The following ROBO2 variants were observed in gnomAD, a reference collection of about 807,000 sequenced individuals.
The protein encoded by ROBO2 is roundabout homolog 2.
A neutral mutation model predicts 160.8 loss-of-function variants in ROBO2; 53 were observed. That is an observed-to-expected ratio of 0.33 (90% CI 0.26 to 0.41). The LOEUF is 0.41. Ranked by LOEUF, ROBO2 falls within the 10% of genes least tolerant of loss-of-function variation. ROBO2 has a pLI of 1.00. For synonymous variants in ROBO2, 664 were observed against 611.7 expected (o/e 1.09, Z -1.26); for missense variants, 1,577 against 1,722.4 (o/e 0.92, Z 1.49).
chr3:77,017,165 C>T (rs1042201339), intron 2 of ROBO2, among the ~76,000 whole-genome samples: 4 of 152,076 alleles, frequency 2.6e-5, no homozygotes, highest in African/African-American at 7.2e-5. Flanking sequence ...AAAATAACAA[C>T]AAAAGTCTAC....
At chr3:77,042,999 C>A (rs775786139) in intron 1 of ROBO2, among the ~76,000 whole-genome samples, 14 of 152,212 alleles carry the variant, frequency 9.2e-5, no homozygotes, top group Non-Finnish European at 1.6e-4. Context: ...AAACCCTGGA[C>A]ACTCTTACTA....
chr3:77,433,725 T>C (rs1177784632), intron 2 of ROBO2, among the ~76,000 whole-genome samples: 3 of 151,792 alleles, frequency 2.0e-5, no homozygotes, highest in Non-Finnish European at 4.4e-5. Context: ...ACTACCTACT[T>C]GGAAACATTT....
At chr3:76,293,796 G>A (rs1163464838) in intron 2 of ROBO2, among the ~76,000 whole-genome samples, 2 of 152,180 alleles carry the variant, frequency 1.3e-5, no homozygotes, top group Admixed American at 1.3e-4. Context: ...CTTTTCTTTT[G>A]AGACTATAAC....
rs138397290 is a variant in ROBO2 at position 77,008,974 on chromosome 3, T to A, written c.110-89040T>A. ...TGTTTATTTTGTTCCTTCTTTTGGA[T>A]GTGAACCCATTATAAGATTATGATA... is the stretch of plus-strand genomic sequence containing the variant. On this transcript the variant is annotated intron_variant, in intron 2 of 26. Coordinates refer to the ROBO2 transcript ENST00000487694. Among the ~76,000 whole-genome samples, 843 of 152,298 alleles carry A rather than the reference T, an allele frequency of 5.5e-3. 6 individuals are homozygous for A. The highest frequency in any genetic ancestry group is 0.019 in the African/African-American group (805 of 41,586).
chr3:76,440,308 T>A (rs2076868624), intron 2 of ROBO2, among the ~76,000 whole-genome samples: 1 of 152,078 alleles, frequency 6.6e-6, no homozygotes, highest in Non-Finnish European at 1.5e-5. Flanking sequence ...CGTGCAGGTT[T>A]GTTACATATG....
chr3:76,710,794 G>T (rs1034509630), intron 2 of ROBO2, among the ~76,000 whole-genome samples: 5 of 152,162 alleles, frequency 3.3e-5, no homozygotes, highest in African/African-American at 1.2e-4. Context: ...ATGAGCTAAA[G>T]ATATAACAGA....
intron 2 of ROBO2, among the ~76,000 whole-genome samples, chr3:76,969,711 A>G (rs1204351448): frequency 6.6e-6 from 1 of 152,052 alleles, no homozygotes; most frequent in African/African-American, 2.4e-5. Flanking sequence ...ATAATGACTT[A>G]CAAGCTTTAT....
intron 24 of ROBO2, 43 bp from the exon 27 acceptor site, chr3:77,644,661 T>G: frequency 6.3e-7 from 1 of 1,575,078 alleles, no homozygotes; most frequent in Non-Finnish European, 8.7e-7. Flanking sequence ...TTTGCCTCCA[T>G]GTTTCTGTTC....
intron 1 of ROBO2, among the ~76,000 whole-genome samples, chr3:77,053,599 C>G (rs1244256120): frequency 6.6e-6 from 1 of 152,094 alleles, no homozygotes; most frequent in African/African-American, 2.4e-5. Context: ...GATTTAACAT[C>G]TTTATTAGTC....
intron 2 of ROBO2, among the ~76,000 whole-genome samples, chr3:76,050,920 T>G (rs1409177171): frequency 6.6e-6 from 1 of 152,224 alleles, no homozygotes; most frequent in Non-Finnish European, 1.5e-5. Context: ...CAACTATTCC[T>G]GCAGAAGAGC....
intron 2 of ROBO2, among the ~76,000 whole-genome samples, chr3:76,658,846 T>G (rs1452011405): frequency 6.6e-6 from 1 of 152,224 alleles, no homozygotes; most frequent in Non-Finnish European, 1.5e-5. Flanking sequence ...TAGGATATAT[T>G]ATACAAACCT....
chr3:76,706,312 G>T (rs1180942569), intron 2 of ROBO2, among the ~76,000 whole-genome samples: 2 of 151,938 alleles, frequency 1.3e-5, no homozygotes, highest in Non-Finnish European at 2.9e-5. Flanking sequence ...GTAAATATTT[G>T]CATTTTAAAA....
intron 2 of ROBO2, among the ~76,000 whole-genome samples, chr3:77,273,133 C>T (rs1268685006): frequency 6.6e-6 from 1 of 152,016 alleles, no homozygotes; most frequent in East Asian, 1.9e-4. Context: ...TCTAGTAGCC[C>T]CCACTGTCCA....
intron 2 of ROBO2, among the ~76,000 whole-genome samples, chr3:76,413,302 C>T (rs954745087): frequency 6.6e-6 from 1 of 152,222 alleles, no homozygotes; most frequent in South Asian, 2.1e-4. Flanking sequence ...TGGGGATTAA[C>T]ATATCATGTC....
intron 2 of ROBO2, among the ~76,000 whole-genome samples, chr3:76,640,831 CA>C (rs527370644): frequency 6.6e-6 from 1 of 150,964 alleles, no homozygotes; most frequent in Non-Finnish European, 1.5e-5. Flanking sequence ...AGGACGTTCT[CA>C]AAAAAAAGAA....
At position 76,708,910 on chromosome 3, in the gene ROBO2, C is replaced by T. The variant is rs115717923; in HGVS notation, c.110-389104C>T. ...AGGTAAAGCAAATCAACGAGCAGAC[C>T]TCAGTGAGTGATGGGACATGAGAAT... On this transcript the variant is annotated intron_variant, in intron 2 of 26. Coordinates refer to the ROBO2 transcript ENST00000487694. 4.6e-3 allele frequency among the ~76,000 whole-genome samples: 704 copies of T among 152,222 alleles called. 6 individuals carry two copies. The highest frequency in any genetic ancestry group is 0.016 in the African/African-American group (646 of 41,544).
Position 76,061,032 on chromosome 3 carries a change from A to G in ROBO2, c.109+123430A>G, listed in dbSNP as rs187697272. Among the ~76,000 whole-genome samples the G allele has an allele frequency of 2.4e-4, 36 of 152,188 alleles. No individual in the cohort carries two copies. In the East Asian group the frequency reaches 6.0e-3, roughly 25 times the overall value. ...AAACTCCACTCGATTTCAGGATTTT[A>G]TTTTCCCTGGTACGATTTGCAGCCA... is the stretch of plus-strand genomic sequence containing the variant. On this transcript the variant is annotated intron_variant, in intron 2 of 26. Transcript: ENST00000487694.
intron 2 of ROBO2, among the ~76,000 whole-genome samples, chr3:76,877,802 C>T (rs77451413): frequency 0.013 from 1,923 of 152,278 alleles, 27 homozygotes; most frequent in African/African-American, 0.042. Context: ...GATTAGGGCT[C>T]TCTGGCTTGC....
chr3:76,521,707 G>A lies in ROBO2; in HGVS notation c.110-576307G>A, dbSNP rs115329934. ...GCAAAGTAAAGGCTGGAAAACTCTAGCTTAATATATGTATTTTCTTTTGTT... is the reference window on the plus strand; with the variant it reads ...GCAAAGTAAAGGCTGGAAAACTCTAACTTAATATATGTATTTTCTTTTGTT... On this transcript the variant is annotated intron_variant, in intron 2 of 26. Coordinates refer to the ROBO2 transcript ENST00000487694. Among the ~76,000 whole-genome samples the A allele has an allele frequency of 5.1e-3, 782 of 152,100 alleles. 9 individuals carry two copies. Among genetic ancestry groups the A allele is most frequent in the African/African-American group, 0.018 (741 of 41,496 alleles).
Sources: allele counts gnomAD v4.1 joint callset (sites outside exome capture counted in the v4.1 genomes callset), GRCh38; gene constraint gnomAD v4.1.1; transcripts MANE v1.5; gene names NCBI Gene and HGNC (gene_info 2026-07-23, HGNC 2026-07-21).